Variants in PRICKLE2 observed in about 807,000 individuals in gnomAD.
The protein encoded by PRICKLE2 is prickle-like protein 2.
A neutral mutation model predicts 81.4 loss-of-function variants in PRICKLE2; 21 were observed. The observed-to-expected ratio is 0.26, with a 90% CI of 0.18 to 0.37. The LOEUF is 0.37. Among genes scored for constraint, PRICKLE2 ranks in the 10% least tolerant of loss-of-function variants. The pLI is 1.00. For synonymous variants in PRICKLE2, 456 were observed against 421.5 expected (o/e 1.08, Z -1.00); for missense variants, 940 against 1,109.0 (o/e 0.85, Z 2.16).
chr3:64,204,035 A>C (rs1248880285), intron 1 of PRICKLE2, among the ~76,000 whole-genome samples: 1 of 152,134 alleles, frequency 6.6e-6, no homozygotes, highest in African/African-American at 2.4e-5. Context: ...CAACAACAAC[A>C]AAAACCCAAA....
intron 2 of PRICKLE2, among the ~76,000 whole-genome samples, chr3:64,184,300 A>T (rs1321718805): frequency 1.3e-5 from 2 of 152,208 alleles, no homozygotes; most frequent in East Asian, 3.8e-4. Context: ...ACAAGGTAAA[A>T]CAACTTGCTC....
intron 2 of PRICKLE2, among the ~76,000 whole-genome samples, chr3:64,236,434 T>C (rs1184571308): frequency 2.6e-5 from 4 of 152,154 alleles, no homozygotes; most frequent in Non-Finnish European, 5.9e-5. Flanking sequence ...TGACAATTAG[T>C]AACCCAAGCT....
At chr3:64,247,899 G>C (rs948567292) in intron 2 of PRICKLE2, among the ~76,000 whole-genome samples, 1 of 152,150 alleles carries the variant, frequency 6.6e-6, no homozygotes, top group Non-Finnish European at 1.5e-5. Flanking sequence ...AAGTGACCTT[G>C]GGTCTGGACT....
At position 64,225,070 on chromosome 3, in the gene PRICKLE2, C is replaced by G; in HGVS notation, c.-201G>C. 1.0e-6 allele frequency: 1 copy of G among 985,496 alleles called. No homozygotes were observed. 61.0% of individuals were successfully genotyped at this position (985,496 alleles called of 1,614,324 possible). A position where few individuals can be genotyped will look rare whatever the true frequency, so the allele number is the denominator to read the frequency against. Reference sequence around the variant, plus strand: ...CTTCTCCTCAAACCCCCTTTTCAGTCTGAACCCTTCCTGAAGCTGGCAACA... The same window carrying G: ...CTTCTCCTCAAACCCCCTTTTCAGTGTGAACCCTTCCTGAAGCTGGCAACA... On this transcript the variant is annotated 5_prime_UTR_variant, in exon 1 of 8. Transcript: ENST00000638394.
chr3:64,224,880 T>C (rs2079009300), intron 1 of PRICKLE2, 30 bp downstream of exon 1: 1 of 982,160 alleles, frequency 1.0e-6, no homozygotes, highest in Non-Finnish European at 1.2e-6. Flanking sequence ...TGCTGTTTAA[T>C]TTGTGAATTA....
At chr3:64,170,106 C>T (rs1254225298) in intron 2 of PRICKLE2, among the ~76,000 whole-genome samples, 1 of 152,062 alleles carries the variant, frequency 6.6e-6, no homozygotes, top group Non-Finnish European at 1.5e-5. Context: ...TGAAATTGTA[C>T]CAAGTTTGGC....
intron 4 of PRICKLE2, among the ~76,000 whole-genome samples, chr3:64,158,780 CT>C (rs1229931313): frequency 2.0e-5 from 3 of 152,170 alleles, no homozygotes; most frequent in Non-Finnish European, 4.4e-5. Flanking sequence ...AAAGATCCCA[CT>C]GCCAAATCTC....
chr3:64,129,359 C>A (rs769497769), intron 7 of PRICKLE2, among the ~76,000 whole-genome samples: 1 of 152,220 alleles, frequency 6.6e-6, no homozygotes, highest in African/African-American at 2.4e-5. Flanking sequence ...ACCAAGATAA[C>A]AATATATTAG....
chr3:64,131,882 G>C (rs2077201926), intron 7 of PRICKLE2, among the ~76,000 whole-genome samples: 1 of 152,120 alleles, frequency 6.6e-6, no homozygotes, highest in East Asian at 1.9e-4. Flanking sequence ...TAAAAAAAGG[G>C]GACCAGGGCA....
intron 7 of PRICKLE2, among the ~76,000 whole-genome samples, chr3:64,125,826 T>C (rs2077097341): frequency 6.6e-6 from 1 of 152,246 alleles, no homozygotes; most frequent in South Asian, 2.1e-4. Context: ...GAGGTATGTG[T>C]GTATTCCAAA....
chr3:64,195,575 A>G (rs913046122), intron 2 of PRICKLE2, among the ~76,000 whole-genome samples: 2 of 152,222 alleles, frequency 1.3e-5, no homozygotes, highest in African/African-American at 4.8e-5. Context: ...AGAAAAATAG[A>G]CTTTCTCAGA....
At chr3:64,224,410 C>A (rs1444392963) in intron 1 of PRICKLE2, among the ~76,000 whole-genome samples, 1 of 152,146 alleles carries the variant, frequency 6.6e-6, no homozygotes, top group Non-Finnish European at 1.5e-5. Flanking sequence ...CAGTCATATT[C>A]TGAAGCTCTG....
intron 2 of PRICKLE2, chr3:64,163,853 A>G (rs1275088989): frequency 1.3e-5 from 2 of 151,910 alleles, no homozygotes; most frequent in African/African-American, 4.9e-5. Flanking sequence ...GAAAACAGAC[A>G]TTCCACCATT....
chr3:64,169,883 G>A (rs1220003420), intron 2 of PRICKLE2, among the ~76,000 whole-genome samples: 1 of 152,170 alleles, frequency 6.6e-6, no homozygotes, highest in Non-Finnish European at 1.5e-5. Flanking sequence ...AGAAGGGAAA[G>A]ATGCTGCCTG....
chr3:64,121,674 C>T (rs2077030161), intron 7 of PRICKLE2, among the ~76,000 whole-genome samples: 1 of 152,112 alleles, frequency 6.6e-6, no homozygotes, highest in Admixed American at 6.5e-5. Context: ...TTTTGGCACC[C>T]CTTTAAATTA....
intron 2 of PRICKLE2, among the ~76,000 whole-genome samples, chr3:64,231,711 G>A (rs942276665): frequency 6.6e-6 from 1 of 152,154 alleles, no homozygotes; most frequent in Non-Finnish European, 1.5e-5. Flanking sequence ...TTTTTCTAAA[G>A]GAATGAGGAG....
intron 7 of PRICKLE2, among the ~76,000 whole-genome samples, chr3:64,111,651 G>T (rs964768359): frequency 1.3e-5 from 2 of 152,146 alleles, no homozygotes; most frequent in African/African-American, 4.8e-5. Flanking sequence ...TAAAGTAAAA[G>T]ATACCAGATA....
At chr3:64,120,758 G>C (rs2077011826) in intron 7 of PRICKLE2, among the ~76,000 whole-genome samples, 2 of 152,118 alleles carry the variant, frequency 1.3e-5, no homozygotes, top group Non-Finnish European at 2.9e-5. Flanking sequence ...ATATATCATA[G>C]AGACCAACCA....
chr3:64,199,052 C>T, intron 1 of PRICKLE2, 85 bp from the exon 2 acceptor site: 1 of 1,272,688 alleles, frequency 7.9e-7, no homozygotes, highest in Non-Finnish European at 1.1e-6. Context: ...GCCCCTGGAT[C>T]CCAAACCATA....
Sources: allele counts gnomAD v4.1 joint callset (sites outside exome capture counted in the v4.1 genomes callset), GRCh38; gene constraint gnomAD v4.1.1; transcripts MANE v1.5; gene names NCBI Gene and HGNC (gene_info 2026-07-23, HGNC 2026-07-21).